TENM3: variants seen among roughly 807,000 people sequenced by gnomAD.
TENM3 encodes the protein teneurin transmembrane protein 3, also known as teneurin-3.
A neutral mutation model predicts 255.1 loss-of-function variants in TENM3; 63 were observed. The ratio of observed to expected loss-of-function variants is 0.25; its 90% confidence interval spans 0.20 to 0.30. The LOEUF (loss-of-function observed/expected upper bound fraction) is 0.30, where lower values mean the gene tolerates loss of function less well. Among genes scored for constraint, TENM3 ranks in the 10% least tolerant of loss-of-function variants. TENM3 has a pLI of 1.00. For missense variants in TENM3, 2,929 were observed against 3,461.1 expected (o/e 0.85, Z 3.86); for synonymous variants, 1,306 against 1,322.3 (o/e 0.99, Z 0.27).
chr4:181,966,978 C>T, the TENM3 span, among the ~76,000 whole-genome samples: 2 of 152,094 alleles, frequency 1.3e-5, no homozygotes, highest in South Asian at 4.2e-4. Context: ...CCCTTCGTTC[C>T]CTCACACCAT....
At chr4:182,357,711 C>G (rs1201281809) in intron 3 of TENM3, among the ~76,000 whole-genome samples, 1 of 150,432 alleles carries the variant, frequency 6.6e-6, no homozygotes, top group Non-Finnish European at 1.5e-5. Flanking sequence ...TGCAGAAGCT[C>G]TTTAGTTTAA....
At chr4:182,554,490 A>C (rs1391028719) in intron 3 of TENM3, among the ~76,000 whole-genome samples, 1 of 152,180 alleles carries the variant, frequency 6.6e-6, no homozygotes, top group East Asian at 1.9e-4. Context: ...AAAAGAGGGA[A>C]ATGAAACTAA....
the TENM3 span, among the ~76,000 whole-genome samples, chr4:181,693,137 A>G: frequency 6.6e-6 from 1 of 152,326 alleles, no homozygotes; most frequent in South Asian, 2.1e-4. Context: ...GTCATAAACA[A>G]CTGGTTCTTA....
chr4:182,724,558 C>A (rs1223741458), intron 13 of TENM3, among the ~76,000 whole-genome samples: 1 of 152,196 alleles, frequency 6.6e-6, no homozygotes, highest in African/African-American at 2.4e-5. Context: ...AAATGCATTT[C>A]CAACTGATTA....
chr4:182,617,421 T>C (rs896676413), intron 4 of TENM3, among the ~76,000 whole-genome samples: 1 of 152,216 alleles, frequency 6.6e-6, no homozygotes, highest in Non-Finnish European at 1.5e-5. Context: ...CTTCATGTAT[T>C]TCCAGGTACA....
the TENM3 span, among the ~76,000 whole-genome samples, chr4:181,833,720 T>A: frequency 6.6e-6 from 1 of 152,180 alleles, no homozygotes; most frequent in African/African-American, 2.4e-5. Flanking sequence ...TGGAAACTTT[T>A]TTTTTTTGTT....
At chr4:182,590,513 C>G (rs1746495724) in intron 3 of TENM3, among the ~76,000 whole-genome samples, 1 of 138,304 alleles carries the variant, frequency 7.2e-6, no homozygotes, top group East Asian at 2.1e-4. Flanking sequence ...TGGCACATGC[C>G]CAGCAATAGA....
intron 1 of TENM3, among the ~76,000 whole-genome samples, chr4:182,172,568 G>A (rs1171146147): frequency 6.6e-6 from 1 of 151,980 alleles, no homozygotes; most frequent in Non-Finnish European, 1.5e-5. Flanking sequence ...AAATTGTGTT[G>A]GAGAATAACC....
the TENM3 span, among the ~76,000 whole-genome samples, chr4:181,978,508 A>G: frequency 6.6e-6 from 1 of 152,014 alleles, no homozygotes; most frequent in Non-Finnish European, 1.5e-5. Flanking sequence ...TTAGCGAGGC[A>G]TGGTGGTGCG....
chr4:181,626,569 G>A, the TENM3 span, among the ~76,000 whole-genome samples: 4 of 151,938 alleles, frequency 2.6e-5, no homozygotes, highest in Admixed American at 6.6e-5. Flanking sequence ...GCAAGGGGGC[G>A]GGGAGGGGAG....
chr4:182,408,315 A>G (rs1221966499), intron 3 of TENM3, among the ~76,000 whole-genome samples: 1 of 152,196 alleles, frequency 6.6e-6, no homozygotes, highest in Non-Finnish European at 1.5e-5. Context: ...TTTCATCCAT[A>G]TTCCTTAGTC....
chr4:181,635,562 G>C, the TENM3 span, among the ~76,000 whole-genome samples: 3 of 152,204 alleles, frequency 2.0e-5, no homozygotes, highest in Admixed American at 1.3e-4. Flanking sequence ...AAACCTGTCA[G>C]AGGATCTCTT....
chr4:182,014,033 C>T, the TENM3 span, among the ~76,000 whole-genome samples: 135 of 19,748 alleles, frequency 6.8e-3, no homozygotes, highest in East Asian at 0.015. Flanking sequence ...TACGTATATA[C>T]ACATATATAC....
At chr4:182,015,714 C>T in the TENM3 span, among the ~76,000 whole-genome samples, 3 of 152,036 alleles carry the variant, frequency 2.0e-5, no homozygotes, top group Non-Finnish European at 4.4e-5. Flanking sequence ...GCATGCACCA[C>T]CACACCCAGC....
At chr4:182,603,059 G>A (rs958208697) in intron 4 of TENM3, among the ~76,000 whole-genome samples, 2 of 152,176 alleles carry the variant, frequency 1.3e-5, no homozygotes, top group Non-Finnish European at 2.9e-5. Context: ...GAATAATTTT[G>A]AGAAGAGTAA....
the TENM3 span, among the ~76,000 whole-genome samples, chr4:181,849,401 GC>G: frequency 6.6e-6 from 1 of 151,940 alleles, no homozygotes; most frequent in Non-Finnish European, 1.5e-5. Flanking sequence ...TTATATTGTT[GC>G]CCCAACAGAA....
At chr4:182,673,340 C>A in intron 7 of TENM3, 121 bp downstream of exon 7, 1 of 646,800 alleles carries the variant, frequency 1.5e-6, no homozygotes. Context: ...CGACTTTCTA[C>A]AGTAGAAAGA....
Position 182,730,338 on chromosome 4 carries a change from AC to A in TENM3, c.2705+20del. On this transcript the variant is annotated intron_variant, in intron 15 of 27. Coordinates refer to ENST00000511685, the MANE Select transcript of TENM3 (RefSeq NM_001080477.4). ...ACGGAATGTGAGTTAGTCCCATCAC[AC>A]TATCTCTGAAGGATTTGAAATATAA... 1 of 1,612,746 alleles carries A rather than the reference AC, an allele frequency of 6.2e-7. No homozygotes were observed. Among genetic ancestry groups the A allele is most frequent in the Non-Finnish European group, 8.5e-7 (1 of 1,179,414 alleles).
rs1760650320 is a variant in TENM3 at position 182,730,988 on chromosome 4, T to C, written c.2816T>C (p.Met939Thr). The C allele has an allele frequency of 1.9e-6, 3 of 1,613,960 alleles. No homozygotes were observed. The South Asian group carries it at 3.3e-5, about 18-fold the overall frequency. Residue 939 changes from methionine (M) to threonine (T), a missense_variant, in exon 16 of 28, where the codon ATG becomes ACG. Met to Thr is a moderately conservative substitution (Grantham distance 81, BLOSUM62 -1). Coordinates refer to ENST00000511685, the MANE Select transcript of TENM3 (RefSeq NM_001080477.4). Reference sequence around the variant, plus strand: ...ATTCCATGGAATGTCTTTTATGTGATGGATACCCTAGTCATGAAGAAAGAA... The same window carrying C: ...ATTCCATGGAATGTCTTTTATGTGACGGATACCCTAGTCATGAAGAAAGAA... ...VWIPWNVFYV[M>T]DTLVMKKEEN...
Sources: allele counts gnomAD v4.1 joint callset (sites outside exome capture counted in the v4.1 genomes callset), GRCh38; gene constraint gnomAD v4.1.1; transcripts MANE v1.5; gene names NCBI Gene and HGNC (gene_info 2026-07-23, HGNC 2026-07-21).